Variants in GALNT17 observed in about 807,000 individuals in gnomAD.
GALNT17 encodes polypeptide N-acetylgalactosaminyltransferase 17.
A neutral mutation model predicts 63.7 loss-of-function variants in GALNT17; 29 were observed. The ratio of observed to expected loss-of-function variants is 0.46; its 90% CI spans 0.34 to 0.62. GALNT17 has a LOEUF of 0.62. Among genes scored for constraint, GALNT17 ranks in the 20% least tolerant of loss-of-function variants. The pLI, the probability that GALNT17 is intolerant of heterozygous loss-of-function variation, is 0.01. For missense variants in GALNT17, 603 were observed against 799.6 expected (o/e 0.75, Z 2.97); for synonymous variants, 305 against 318.3 (o/e 0.96, Z 0.45).
intron 1 of GALNT17, among the ~76,000 whole-genome samples, chr7:71,334,550 A>G (rs1791865221): frequency 6.6e-6 from 1 of 152,184 alleles, no homozygotes; most frequent in East Asian, 1.9e-4. Flanking sequence ...TAACAACAAA[A>G]GTTTTCTAGT....
chr7:71,461,047 T>C (rs1054969511), intron 5 of GALNT17, among the ~76,000 whole-genome samples: 5 of 152,192 alleles, frequency 3.3e-5, no homozygotes, highest in Non-Finnish European at 7.3e-5. Flanking sequence ...ACCAAGCCCT[T>C]ATTCAAGATG....
intron 6 of GALNT17, among the ~76,000 whole-genome samples, chr7:71,613,985 G>A (rs1183854633): frequency 6.6e-6 from 1 of 151,898 alleles, no homozygotes; most frequent in African/African-American, 2.4e-5. Context: ...TCATAACATG[G>A]AGAGTCAAGA....
At chr7:71,328,879 G>T (rs1231087374) in intron 1 of GALNT17, among the ~76,000 whole-genome samples, 1 of 151,910 alleles carries the variant, frequency 6.6e-6, no homozygotes, top group Non-Finnish European at 1.5e-5. Flanking sequence ...TCCTTGGTGG[G>T]ATATGCATGC....
At chr7:71,700,922 A>G (rs1401471748) in intron 9 of GALNT17, among the ~76,000 whole-genome samples, 1 of 152,218 alleles carries the variant, frequency 6.6e-6, no homozygotes, top group African/African-American at 2.4e-5. Flanking sequence ...GATGTCAACA[A>G]ATATTTATCA....
intron 1 of GALNT17, 99 bp downstream of exon 1, chr7:71,133,139 C>G: frequency 9.4e-7 from 1 of 1,065,696 alleles, no homozygotes; most frequent in Non-Finnish European, 1.3e-6. Flanking sequence ...GCCTGGGAGC[C>G]GGCACACCCT....
intron 1 of GALNT17, among the ~76,000 whole-genome samples, chr7:71,186,666 A>C (rs1226338511): frequency 6.6e-6 from 1 of 152,336 alleles, no homozygotes; most frequent in South Asian, 2.1e-4. Flanking sequence ...AGGAGGGCCA[A>C]CTGGCTCACT....
intron 6 of GALNT17, among the ~76,000 whole-genome samples, chr7:71,641,788 T>A (rs915211997): frequency 2.0e-5 from 3 of 152,140 alleles, no homozygotes; most frequent in African/African-American, 7.2e-5. Flanking sequence ...TAGAGCACTT[T>A]GCAAAGTGTC....
At chr7:71,140,661 G>A (rs1270082008) in intron 1 of GALNT17, among the ~76,000 whole-genome samples, 3 of 152,192 alleles carry the variant, frequency 2.0e-5, no homozygotes, top group Non-Finnish European at 4.4e-5. Flanking sequence ...GTTGGAACAT[G>A]AGCACACCCA....
chr7:71,438,660 C>G (rs1787010435), intron 5 of GALNT17, among the ~76,000 whole-genome samples: 1 of 152,130 alleles, frequency 6.6e-6, no homozygotes, highest in South Asian at 2.1e-4. Flanking sequence ...CAGTCCATGG[C>G]ACATAGTAAG....
chr7:71,453,584 C>T (rs1378083418), intron 5 of GALNT17, among the ~76,000 whole-genome samples: 1 of 152,172 alleles, frequency 6.6e-6, no homozygotes, highest in Non-Finnish European at 1.5e-5. Context: ...GTCCTTCCCA[C>T]AACACGTGGG....
At chr7:71,133,297 G>A (rs1257883129) in intron 1 of GALNT17, among the ~76,000 whole-genome samples, 2 of 152,168 alleles carry the variant, frequency 1.3e-5, no homozygotes, top group Admixed American at 6.5e-5. Flanking sequence ...GTTGGCTCCC[G>A]GTCCCCGCGT....
At chr7:71,693,825 A>AG (rs1447980422) in intron 9 of GALNT17, among the ~76,000 whole-genome samples, 42 of 151,836 alleles carry the variant, frequency 2.8e-4, no homozygotes, top group Admixed American at 2.8e-3. Context: ...AAGTTAAAAA[A>AG]AAAAAAAAGA....
At chr7:71,667,710 C>T (rs1791005502) in intron 7 of GALNT17, among the ~76,000 whole-genome samples, 1 of 152,134 alleles carries the variant, frequency 6.6e-6, no homozygotes, top group Non-Finnish European at 1.5e-5. Flanking sequence ...AGCACATGGG[C>T]AGGGAAGTCA....
At chr7:71,181,622 C>T (rs962591793) in intron 1 of GALNT17, among the ~76,000 whole-genome samples, 1 of 152,004 alleles carries the variant, frequency 6.6e-6, no homozygotes, top group Non-Finnish European at 1.5e-5. Flanking sequence ...AATTCTAGCA[C>T]TTTGGGAGGC....
intron 5 of GALNT17, among the ~76,000 whole-genome samples, chr7:71,538,168 A>G (rs1228699595): frequency 6.6e-6 from 1 of 152,186 alleles, no homozygotes; most frequent in East Asian, 1.9e-4. Flanking sequence ...GAACATTGAT[A>G]ATTTTGTACT....
intron 3 of GALNT17, among the ~76,000 whole-genome samples, chr7:71,400,347 A>C (rs1169073278): frequency 2.0e-5 from 3 of 152,094 alleles, no homozygotes; most frequent in Non-Finnish European, 1.5e-5. Context: ...TTATGGCTTC[A>C]TAGTATTCCA....
intron 2 of GALNT17, among the ~76,000 whole-genome samples, chr7:71,377,114 A>AAAAAAAAAAAT: frequency 1.0e-4 from 6 of 57,460 alleles, no homozygotes; most frequent in East Asian, 4.6e-4. Context: ...AAATAAAAAA[A>AAAAAAAAAAAT]ATATATATAT....
At chr7:71,439,409 C>T (rs1385075940) in intron 5 of GALNT17, among the ~76,000 whole-genome samples, 1 of 152,108 alleles carries the variant, frequency 6.6e-6, no homozygotes, top group African/African-American at 2.4e-5. Context: ...TTTCTTTTTG[C>T]GTGACACGCT....
intron 6 of GALNT17, among the ~76,000 whole-genome samples, chr7:71,601,941 C>A (rs10237977): frequency 6.6e-6 from 1 of 152,142 alleles, no homozygotes; most frequent in Admixed American, 6.5e-5. Context: ...TGCCTTTGTG[C>A]GGATCTTCCC....
Sources: gnomAD v4.1 joint callset for allele counts (sites outside exome capture counted in the v4.1 genomes callset) on GRCh38, gnomAD v4.1.1 for gene constraint, MANE v1.5 for transcripts, NCBI Gene and HGNC (gene_info 2026-07-23, HGNC 2026-07-21) for gene names.